MPV17: variants seen among roughly 807,000 people sequenced by gnomAD.
MPV17 encodes MPV17, mitochondrial inner membrane protein.
In MPV17, 31 loss-of-function variants were observed where a neutral mutation model predicts 28.6. The ratio of observed to expected loss-of-function variants is 1.08; its 90% CI spans 0.81 to 1.46. The LOEUF is 1.46. Ranked by LOEUF, MPV17 falls within the 40% of genes most tolerant of loss-of-function variation. The pLI, the probability that MPV17 is intolerant of heterozygous loss-of-function variation, is 0.00. For synonymous variants in MPV17, 87 were observed against 85.3 expected (o/e 1.02, Z -0.11); for missense variants, 198 against 216.2 (o/e 0.92, Z 0.53).
In MPV17 at chr2:27,313,060, C is replaced by A. The variant is rs911599759; in HGVS notation, c.120G>T (p.Arg40Ser). The change falls in exon 3 of 8, where the codon AGG becomes AGT. Residue 40 changes from arginine (R) to serine (S), a missense_variant. By Grantham distance (110) the Arg-to-Ser change is moderately radical. Transcript: ENST00000380044. ...CTCTCTGGTGTTCCTGCAGACCCCG[C>A]CTCTCCACCAGCTGCTGTGAGATAA... is the stretch of plus-strand genomic sequence containing the variant. The part of the protein sequence containing the change: ...GDIISQQLVE[R>S]RGLQEHQRGR... 2.5e-6 allele frequency: 4 copies of A among 1,614,092 alleles called. No individual in the cohort carries two copies. In the African/African-American group the frequency reaches 5.3e-5, roughly 22 times the overall value.
intron 1 of MPV17, 116 bp downstream of exon 1, chr2:27,322,936 G>C (rs1439382675): frequency 3.7e-6 from 1 of 269,354 alleles, no homozygotes; most frequent in East Asian, 9.4e-5. Context: ...CCTGAGTCCA[G>C]CTCCAAACCG....
intron 2 of MPV17, 85 bp downstream of exon 2, chr2:27,322,363 G>C: frequency 9.0e-7 from 1 of 1,107,828 alleles, no homozygotes; most frequent in Non-Finnish European, 1.4e-6. Flanking sequence ...ATAGAAACAG[G>C]AAGTGAGGGT....
intron 2 of MPV17, among the ~76,000 whole-genome samples, chr2:27,318,732 A>T (rs1473758781): frequency 6.6e-6 from 1 of 151,572 alleles, no homozygotes; most frequent in Non-Finnish European, 1.5e-5. Context: ...ATAGCTATTC[A>T]TCCAGACAGT....
intron 1 of MPV17, 41 bp downstream of exon 1, chr2:27,323,011 C>A (rs1048228517): frequency 2.4e-5 from 4 of 167,430 alleles, no homozygotes; most frequent in South Asian, 1.3e-4. Flanking sequence ...TCATGGCTTG[C>A]GACGCTTTAA....
chr2:27,318,075 T>C (rs13382916), intron 2 of MPV17, among the ~76,000 whole-genome samples: 3,705 of 151,178 alleles, frequency 0.025, 143 homozygotes, highest in African/African-American at 0.084. Context: ...TTTTCTTTTT[T>C]TTTTTTTTTT....
chr2:27,310,075 G>T, intron 7 of MPV17, 94 bp from the exon 8 acceptor site: 3 of 964,422 alleles, frequency 3.1e-6, no homozygotes, highest in South Asian at 1.3e-5. Context: ...GAGGGATCAT[G>T]ACAAAGGATT....
At chr2:27,321,302 C>T (rs1190426598) in intron 2 of MPV17, among the ~76,000 whole-genome samples, 2 of 152,140 alleles carry the variant, frequency 1.3e-5, no homozygotes, top group Non-Finnish European at 2.9e-5. Context: ...TACAGGCTGA[C>T]GGACGCTGAG....
At chr2:27,316,032 T>C in intron 2 of MPV17, 1 of 1,547,366 alleles carries the variant, frequency 6.5e-7, no homozygotes, top group Non-Finnish European at 8.7e-7. Flanking sequence ...CTGTGGCTGC[T>C]CCCCTGCTGG....
At position 27,312,824 on chromosome 2, in the gene MPV17, T is replaced by G. The variant is rs771251618; in HGVS notation, c.187-52A>C. On this transcript the variant is annotated intron_variant, in intron 3 of 7. Coordinates refer to ENST00000380044, the MANE Select transcript of MPV17 (RefSeq NM_002437.5). Reference sequence around the variant, plus strand: ...GGCTGCAGTGAGGGAGCCCTAGGCCTCTACCTCACTAAGCTCCCTGCCCCA... The same window carrying G: ...GGCTGCAGTGAGGGAGCCCTAGGCCGCTACCTCACTAAGCTCCCTGCCCCA... 3 of 1,575,294 alleles carry G rather than the reference T, an allele frequency of 1.9e-6. No homozygotes were observed. The South Asian group carries it at 3.3e-5, about 17-fold the overall frequency.
At chr2:27,322,722 C>T (rs1679904645) in intron 1 of MPV17, among the ~76,000 whole-genome samples, 200 bp from the exon 2 acceptor site, 1 of 152,236 alleles carries the variant, frequency 6.6e-6, no homozygotes, top group Non-Finnish European at 1.5e-5. Context: ...GAGAGAAAGG[C>T]TGTGGGAAGC....
intron 2 of MPV17, among the ~76,000 whole-genome samples, chr2:27,319,422 C>T (rs1237459485): frequency 6.9e-6 from 1 of 145,934 alleles, no homozygotes; most frequent in Non-Finnish European, 1.5e-5. Context: ...ACTCGGGAGG[C>T]TAAGGCAGAG....
At position 27,322,428 on chromosome 2, in the gene MPV17, A is replaced by G. The variant is rs1276090341; in HGVS notation, c.70+20T>C. 2 of 1,609,270 alleles carry G rather than the reference A, an allele frequency of 1.2e-6. No homozygotes were observed. Among genetic ancestry groups the G allele is most frequent in the Non-Finnish European group, 1.7e-6 (2 of 1,175,776 alleles). ...AATCAGTCTGCCCTGGTCCCACTCA[A>G]GTCCTAGAGGGACACTCACCAGCTG... On this transcript the variant is annotated intron_variant, in intron 2 of 7. Coordinates refer to ENST00000380044, the MANE Select transcript of MPV17 (RefSeq NM_002437.5).
chr2:27,319,587 A>G (rs1679779275), intron 2 of MPV17, among the ~76,000 whole-genome samples: 1 of 150,800 alleles, frequency 6.6e-6, no homozygotes, highest in African/African-American at 2.4e-5. Flanking sequence ...CAACACTCAT[A>G]GAAAGAACCA....
At chr2:27,319,462 T>C (rs1186681773) in intron 2 of MPV17, among the ~76,000 whole-genome samples, 1 of 142,130 alleles carries the variant, frequency 7.0e-6, no homozygotes, top group African/African-American at 2.6e-5. Flanking sequence ...TGGAGTGCAG[T>C]GGCATAGTCA....
chr2:27,317,664 AG>A lies in MPV17; in HGVS notation c.71-4556del, dbSNP rs1394519874. Among the ~76,000 whole-genome samples, 1 of 152,210 alleles carries A rather than the reference AG, an allele frequency of 6.6e-6. No individual in the cohort carries two copies. Among genetic ancestry groups the A allele is most frequent in the Non-Finnish European group, 1.5e-5 (1 of 68,028 alleles). On this transcript the variant is annotated intron_variant, in intron 2 of 7. Transcript: ENST00000380044. The surrounding 1 kb of genome is among the most constrained non-coding windows in gnomAD (Gnocchi z 4.0). ...CATACCCTGGCTTAATTCAGACTCCAGGGAAACCAGTATTTGTAAGAGCTCA... is the reference window on the plus strand; with the variant it reads ...CATACCCTGGCTTAATTCAGACTCCAGGAAACCAGTATTTGTAAGAGCTCA...
At chr2:27,322,016 TG>T in intron 2 of MPV17, 1 of 196,880 alleles carries the variant, frequency 5.1e-6, no homozygotes, top group South Asian at 8.9e-5. Flanking sequence ...CAAGAAAAAC[TG>T]GGGTAAGAGT....
In MPV17 at chr2:27,313,020, T is replaced by C. The variant is rs768617578; in HGVS notation, c.160A>G (p.Met54Val). 1.5e-5 allele frequency: 24 copies of C among 1,614,070 alleles called. No individual in the cohort carries two copies. The African/African-American group carries it at 2.8e-4, about 19-fold the overall frequency. Reference protein sequence around the residue: ...QEHQRGRTLTMVSLGCGFVGP... With the variant: ...QEHQRGRTLTVVSLGCGFVGP... ...ACAAAGCCACAGCCCAGGGACACCA[T>C]GGTCAGAGTCCGGCCTCTCTGGTGT... The change falls in exon 3 of 8, where the codon ATG becomes GTG. Residue 54 changes from methionine to valine, a missense_variant. Coordinates refer to ENST00000380044, the MANE Select transcript of MPV17 (RefSeq NM_002437.5).
Position 27,309,765 on chromosome 2 carries a change from A to G in MPV17, c.*147T>C, listed in dbSNP as rs1255950913. 6 of 711,290 alleles carry G rather than the reference A, an allele frequency of 8.4e-6. No individual in the cohort carries two copies. The highest frequency in any genetic ancestry group is 1.6e-5 in the Non-Finnish European group (6 of 382,012). 44.1% of individuals were successfully genotyped at this position (711,290 alleles called of 1,614,324 possible). ...AGTCAGTGTACATTTTAGAGTGAAG[A>G]GGGGCATTGCAGGGTGCTAGTCCTC... On this transcript the variant is annotated 3_prime_UTR_variant, in exon 8 of 8. Coordinates refer to ENST00000380044, the MANE Select transcript of MPV17 (RefSeq NM_002437.5).
In MPV17 at chr2:27,316,142, A is replaced by G. The variant is rs1189469600; in HGVS notation, c.71-3033T>C. ...TGTCTTTACTCCCCCAAATTCCATC[A>G]TTCTGCTCCTTGTCACCTCGTGGGG... On this transcript the variant is annotated intron_variant, in intron 2 of 7. Coordinates refer to ENST00000380044, the MANE Select transcript of MPV17 (RefSeq NM_002437.5). 13 of 1,551,186 alleles carry G rather than the reference A, an allele frequency of 8.4e-6. No homozygotes were observed. The South Asian group carries it at 1.5e-4, about 18-fold the overall frequency.
Sources: allele counts gnomAD v4.1 joint callset (sites outside exome capture counted in the v4.1 genomes callset), GRCh38; gene constraint gnomAD v4.1.1; non-coding constraint Gnocchi (gnomAD v3.1); transcripts MANE v1.5; gene names NCBI Gene and HGNC (gene_info 2026-07-23, HGNC 2026-07-21).